SLC14A2: variants seen among roughly 807,000 people sequenced by gnomAD.
SLC14A2 encodes solute carrier family 14 member 2, also known as urea transporter 2.
SLC14A2 carries 91 observed loss-of-function variants against 104.6 expected under a neutral mutation model. That is an observed-to-expected ratio of 0.87 (90% CI 0.73 to 1.04). The LOEUF is 1.04. Ranked by LOEUF, SLC14A2 falls within the 50% of genes least tolerant of loss-of-function variation. The probability of loss-of-function intolerance (pLI) is 0.00; values close to 1 mark genes in which losing one functional copy is unlikely to be tolerated. For missense variants in SLC14A2, 1,189 were observed against 1,156.0 expected (o/e 1.03, Z -0.41); for synonymous variants, 476 against 466.4 (o/e 1.02, Z -0.27).
chr18:45,182,788 A>G, the SLC14A2 span, among the ~76,000 whole-genome samples: 1 of 152,210 alleles, frequency 6.6e-6, no homozygotes, highest in African/African-American at 2.4e-5. Context: ...ATATGACTTA[A>G]TACATGAGAA....
In SLC14A2 at chr18:45,682,591, C is replaced by A. The variant is rs1018373992; in HGVS notation, c.*72C>A. 1.6e-6 allele frequency: 2 copies of A among 1,241,558 alleles called. No individual in the cohort carries two copies. Among genetic ancestry groups the A allele is most frequent in the Non-Finnish European group, 2.4e-6 (2 of 842,352 alleles). The allele number at this position is 1,241,558 out of a possible 1,614,324, so 76.9% of individuals were successfully genotyped here. A position where few individuals can be genotyped will look rare whatever the true frequency, so the allele number is the denominator to read the frequency against. ...CCGTCCAGATCCCCAGGATAAGAGA[C>A]CACTTAGCCTTCCCTTTGGTCTGTT... On this transcript the variant is annotated 3_prime_UTR_variant, in exon 20 of 20. Transcript: ENST00000255226.
chr18:45,368,107 G>A (rs2085684901), intron 1 of SLC14A2, among the ~76,000 whole-genome samples: 1 of 152,002 alleles, frequency 6.6e-6, no homozygotes, highest in African/African-American at 2.4e-5. Flanking sequence ...CAGATTTAAT[G>A]TGGGAGAGAT....
At chr18:45,223,734 G>C (rs148125688) in intron 1 of SLC14A2, among the ~76,000 whole-genome samples, 50 of 152,256 alleles carry the variant, frequency 3.3e-4, no homozygotes, top group African/African-American at 1.2e-3. Context: ...GACTCAGCCA[G>C]CCCTGAGGTC....
upstream of SLC14A2, among the ~76,000 whole-genome samples, chr18:45,611,235 A>T (rs1251307588): frequency 3.3e-5 from 5 of 152,214 alleles, no homozygotes; most frequent in South Asian, 6.2e-4. Flanking sequence ...CTTTACCTGA[A>T]TAAGAAGCTC....
intron 10 of SLC14A2, among the ~76,000 whole-genome samples, chr18:45,649,079 G>A (rs1377469169): frequency 6.6e-6 from 1 of 152,178 alleles, no homozygotes; most frequent in Non-Finnish European, 1.5e-5. Context: ...GCTGAGGCAG[G>A]AGAATGGTGT....
rs376112761 is a variant in SLC14A2 at position 45,536,900 on chromosome 18, G to T, written c.-35+53578G>T. 1.2e-4 allele frequency among the ~76,000 whole-genome samples: 19 copies of T among 152,228 alleles called. No homozygotes were observed. The South Asian group carries it at 1.5e-3, about 12-fold the overall frequency. On this transcript the variant is annotated intron_variant, in intron 2 of 20. Transcript: ENST00000586448. ...GCCTGTCCTGAATGCTGGGTGTCCT[G>T]GGTGGGCATCCTTGCAGGCCTTCAA... is the stretch of plus-strand genomic sequence containing the variant.
chr18:45,655,031 T>C (rs2045809282), intron 10 of SLC14A2, among the ~76,000 whole-genome samples: 1 of 152,188 alleles, frequency 6.6e-6, no homozygotes, highest in Non-Finnish European at 1.5e-5. Context: ...TCCAGGCTCC[T>C]TGGCCTCTCT....
chr18:45,566,985 G>C (rs1245235250), intron 2 of SLC14A2, among the ~76,000 whole-genome samples: 2 of 151,932 alleles, frequency 1.3e-5, no homozygotes, highest in Non-Finnish European at 2.9e-5. Context: ...TTTGAGCTGA[G>C]GACTTCAGGA....
At chr18:45,176,006 T>C in the SLC14A2 span, among the ~76,000 whole-genome samples, 1 of 152,148 alleles carries the variant, frequency 6.6e-6, no homozygotes, top group African/African-American at 2.4e-5. Context: ...GTAAAATTCA[T>C]GTGAAGAAAC....
chr18:45,506,834 G>A (rs2043294521), intron 2 of SLC14A2, among the ~76,000 whole-genome samples: 1 of 152,218 alleles, frequency 6.6e-6, no homozygotes, highest in East Asian at 1.9e-4. Context: ...TTCAAGCCCT[G>A]GGCTAGGGTA....
intron 2 of SLC14A2, among the ~76,000 whole-genome samples, chr18:45,604,647 T>A (rs1473292415): frequency 1.3e-5 from 2 of 152,204 alleles, no homozygotes; most frequent in African/African-American, 4.8e-5. Flanking sequence ...ACTGTGCAAT[T>A]CCATTAGAAA....
At chr18:45,478,469 A>T (rs1291274933) in intron 1 of SLC14A2, among the ~76,000 whole-genome samples, 2 of 152,224 alleles carry the variant, frequency 1.3e-5, no homozygotes, top group Non-Finnish European at 2.9e-5. Context: ...TTTGCTTGGC[A>T]CAGTTTCCTT....
At chr18:45,432,237 A>G (rs2086528278) in intron 1 of SLC14A2, among the ~76,000 whole-genome samples, 1 of 152,180 alleles carries the variant, frequency 6.6e-6, no homozygotes, top group Non-Finnish European at 1.5e-5. Flanking sequence ...AGTGTTCTGC[A>G]TGACAATGAA....
intron 1 of SLC14A2, among the ~76,000 whole-genome samples, chr18:45,373,929 T>G (rs1402207599): frequency 6.6e-6 from 1 of 152,230 alleles, no homozygotes; most frequent in Non-Finnish European, 1.5e-5. Context: ...ACAGGATTCA[T>G]TGCATGGCTC....
At chr18:45,444,145 T>C (rs1468475886) in intron 1 of SLC14A2, among the ~76,000 whole-genome samples, 2 of 152,234 alleles carry the variant, frequency 1.3e-5, no homozygotes, top group African/African-American at 4.8e-5. Flanking sequence ...GGCAGACTTT[T>C]GTGCGTGTAC....
At chr18:45,361,331 G>A (rs2085608809) in intron 1 of SLC14A2, among the ~76,000 whole-genome samples, 1 of 152,176 alleles carries the variant, frequency 6.6e-6, no homozygotes, top group African/African-American at 2.4e-5. Context: ...CTAAAGGAAT[G>A]AGTGAGCTGT....
At chr18:45,461,365 T>G (rs548902586) in intron 1 of SLC14A2, among the ~76,000 whole-genome samples, 4 of 152,330 alleles carry the variant, frequency 2.6e-5, no homozygotes, top group African/African-American at 9.6e-5. Flanking sequence ...CTGCCTAGGT[T>G]GGGTGTAATT....
At chr18:45,632,578 C>A in intron 5 of SLC14A2, 100 bp downstream of exon 5, 1 of 1,335,090 alleles carries the variant, frequency 7.5e-7, no homozygotes, top group Non-Finnish European at 1.0e-6. Flanking sequence ...TGGGACCCAG[C>A]CCCTTCATAG....
rs73433874 is a variant in SLC14A2, at chr18:45,415,017, G to A, written c.-124-68216G>A. 6.0e-3 allele frequency among the ~76,000 whole-genome samples: 909 copies of A among 151,878 alleles called. 7 individuals carry two copies. Among genetic ancestry groups the A allele is most frequent in the African/African-American group, 0.021 (869 of 41,406 alleles). ...TGCCTGCTTTTTTAAAGGAGATGCT[G>A]TATCTTAAACCAAAAAGGTTATTTT... is the stretch of plus-strand genomic sequence containing the variant. On this transcript the variant is annotated intron_variant, in intron 1 of 20. Transcript: ENST00000586448.
Sources: allele counts gnomAD v4.1 joint callset (sites outside exome capture counted in the v4.1 genomes callset), GRCh38; gene constraint gnomAD v4.1.1; transcripts MANE v1.5; gene names NCBI Gene and HGNC (gene_info 2026-07-23, HGNC 2026-07-21).